USH2A: variants seen among roughly 807,000 people sequenced by gnomAD.
The protein encoded by USH2A is usherin, also known as Usher syndrome 2A (autosomal recessive, mild).
Under a neutral mutation model 538.9 loss-of-function variants are expected in USH2A, and 443 were observed. That is an observed-to-expected ratio of 0.82 (90% CI 0.76 to 0.89). The LOEUF (loss-of-function observed/expected upper bound fraction) is 0.89. Ranked by LOEUF, USH2A falls within the 40% of genes least tolerant of loss-of-function variation. USH2A has a pLI of 0.00. For missense variants in USH2A, 6,633 were observed against 6,324.8 expected (o/e 1.05, Z -1.65); for synonymous variants, 2,413 against 2,273.5 (o/e 1.06, Z -1.75).
intron 21 of USH2A, among the ~76,000 whole-genome samples, chr1:216,157,858 A>G (rs2033980046): frequency 6.6e-6 from 1 of 152,184 alleles, no homozygotes; most frequent in African/African-American, 2.4e-5. Context: ...CACGCTCACT[A>G]CTTGCGTAAT....
At chr1:215,629,481 T>C (rs912025106) in intron 70 of USH2A, among the ~76,000 whole-genome samples, 8 of 152,144 alleles carry the variant, frequency 5.3e-5, no homozygotes, top group African/African-American at 1.9e-4. Context: ...ACAATATTAT[T>C]TCATGGTGGT....
At chr1:216,241,083 C>T (rs910203776) in intron 13 of USH2A, among the ~76,000 whole-genome samples, 2 of 152,092 alleles carry the variant, frequency 1.3e-5, no homozygotes, top group Admixed American at 6.5e-5. Context: ...TATGGCATAG[C>T]TGTACAGTAA....
At chr1:215,671,476 C>T (rs549145683) in intron 63 of USH2A, among the ~76,000 whole-genome samples, 183 bp from the exon 64 acceptor site, 17 of 151,916 alleles carry the variant, frequency 1.1e-4, no homozygotes, top group Non-Finnish European at 1.9e-4. Context: ...TGCAGTGAGC[C>T]GAGATTGCGC....
intron 61 of USH2A, among the ~76,000 whole-genome samples, chr1:215,710,560 T>G (rs1659312230): frequency 6.6e-6 from 1 of 151,910 alleles, no homozygotes; most frequent in South Asian, 2.1e-4. Context: ...TAGAGGGCGC[T>G]CTCCTCATGG....
Position 215,838,063 on chromosome 1 carries a change from C to T in USH2A, c.9299G>A (p.Gly3100Glu), listed in dbSNP as rs533188575. Reference protein sequence around the residue: ...CTIYACVKSNGTQITTVEDTP... With the variant: ...CTIYACVKSNETQITTVEDTP... ...GTCTTCCACAGTGGTAATTTGGGTTCCATTGCTTTTCACGCAGGCATATAT... is the reference window on the plus strand; with the variant it reads ...GTCTTCCACAGTGGTAATTTGGGTTTCATTGCTTTTCACGCAGGCATATAT... The change falls in exon 47 of 72, where the codon GGA becomes GAA. Residue 3100 changes from glycine to glutamate, a missense_variant. By Grantham distance (98) the Gly-to-Glu change is moderately conservative. Transcript: ENST00000307340. 4 of 1,613,936 alleles carry T rather than the reference C, an allele frequency of 2.5e-6. No individual in the cohort carries two copies. Among genetic ancestry groups the T allele is most frequent in the Admixed American group, 1.7e-5 (1 of 59,966 alleles).
chr1:216,282,515 T>C (rs1334577170), intron 11 of USH2A, among the ~76,000 whole-genome samples: 1 of 152,240 alleles, frequency 6.6e-6, no homozygotes, highest in Non-Finnish European at 1.5e-5. Context: ...CTTGGCACTG[T>C]TGTCAAAAAT....
chr1:216,358,252 C>G (rs1391441553), intron 4 of USH2A, among the ~76,000 whole-genome samples: 3 of 152,126 alleles, frequency 2.0e-5, no homozygotes, highest in Non-Finnish European at 2.9e-5. Flanking sequence ...CCAAGTCAAA[C>G]CTAATCAGAG....
Position 216,184,952 on chromosome 1 carries a change from G to A in USH2A, c.4396+5271C>T, listed in dbSNP as rs916485991. 3.9e-5 allele frequency among the ~76,000 whole-genome samples: 6 copies of A among 151,918 alleles called. No homozygotes were observed. In the East Asian group the frequency reaches 1.2e-3, roughly 29 times the overall value. On this transcript the variant is annotated intron_variant, in intron 20 of 71. Coordinates refer to ENST00000307340, the MANE Select transcript of USH2A (RefSeq NM_206933.4). The stretch of plus-strand genomic sequence containing the variant: ...ATGGAGGTCAATTTATGACAGGCAA[G>A]GGAAATATCACATTGTCCCTTCAGG...
At chr1:216,421,178 A>T (rs1558081596) in intron 2 of USH2A, among the ~76,000 whole-genome samples, 1 of 152,180 alleles carries the variant, frequency 6.6e-6, no homozygotes, top group Admixed American at 6.6e-5. Context: ...AATAAGACCC[A>T]GACTCATTGA....
Position 216,189,735 on chromosome 1 carries a change from T to G in USH2A, c.4396+488A>C, listed in dbSNP as rs2034676596. Among the ~76,000 whole-genome samples, 4 of 151,996 alleles carry G rather than the reference T, an allele frequency of 2.6e-5. No individual in the cohort carries two copies. The South Asian group carries it at 8.3e-4, about 32-fold the overall frequency. ...AGGCCACACAGTAATTTCTAGATGT[T>G]CCCATGGATCAGGAGTGAGTAGAGC... On this transcript the variant is annotated intron_variant, in intron 20 of 71. Coordinates refer to ENST00000307340, the MANE Select transcript of USH2A (RefSeq NM_206933.4).
chr1:215,947,088 C>T (rs1666778822), intron 37 of USH2A, among the ~76,000 whole-genome samples: 1 of 150,552 alleles, frequency 6.6e-6, no homozygotes, highest in African/African-American at 2.4e-5. Flanking sequence ...GTCGCCCAGA[C>T]TGGAGTGCAG....
intron 30 of USH2A, among the ~76,000 whole-genome samples, chr1:216,062,569 C>T (rs1243915400): frequency 6.6e-6 from 1 of 152,132 alleles, no homozygotes; most frequent in African/African-American, 2.4e-5. Flanking sequence ...TTTTACATAA[C>T]TCATTTTAAT....
intron 4 of USH2A, among the ~76,000 whole-genome samples, chr1:216,353,158 G>C (rs1187719985): frequency 6.6e-6 from 1 of 151,994 alleles, no homozygotes; most frequent in Non-Finnish European, 1.5e-5. Context: ...AGTAAGGAGG[G>C]AACAGACCAC....
chr1:216,377,247 T>C (rs2038839032), intron 3 of USH2A, among the ~76,000 whole-genome samples: 1 of 152,184 alleles, frequency 6.6e-6, no homozygotes, highest in Admixed American at 6.5e-5. Context: ...ATTGTGGCCA[T>C]TGTTTCAAGG....
chr1:215,866,203 C>T (rs1664462816), intron 44 of USH2A, among the ~76,000 whole-genome samples: 1 of 152,140 alleles, frequency 6.6e-6, no homozygotes, highest in Admixed American at 6.5e-5. Flanking sequence ...TACATATTCT[C>T]ATGGTAGATT....
chr1:215,957,854 C>T (rs989421162), intron 37 of USH2A, among the ~76,000 whole-genome samples: 2 of 152,130 alleles, frequency 1.3e-5, no homozygotes, highest in Middle Eastern at 3.2e-3. Context: ...CAAAGTTCTC[C>T]GACGGGATTC....
chr1:215,912,960 C>T (rs1042613400), intron 38 of USH2A, among the ~76,000 whole-genome samples: 2 of 152,130 alleles, frequency 1.3e-5, no homozygotes, highest in African/African-American at 2.4e-5. Context: ...TTGCATTCCT[C>T]CTACAGTTCT....
chr1:216,269,830 C>T lies in USH2A; in HGVS notation c.1972-18732G>A, dbSNP rs540243849. Reference sequence around the variant, plus strand: ...AGCAATGGTGGATATGCACAGTCAACCGGGTGACAATTGTCACAATGAGTT... The same window carrying T: ...AGCAATGGTGGATATGCACAGTCAATCGGGTGACAATTGTCACAATGAGTT... On this transcript the variant is annotated intron_variant, in intron 11 of 71. Coordinates refer to ENST00000307340, the MANE Select transcript of USH2A (RefSeq NM_206933.4). Among the ~76,000 whole-genome samples, 15 of 152,198 alleles carry T rather than the reference C, an allele frequency of 9.9e-5. 1 individual carries two copies. The South Asian group carries it at 2.9e-3, about 29-fold the overall frequency.
At chr1:215,798,807 G>T in intron 50 of USH2A, 100 bp downstream of exon 50, 1 of 1,340,620 alleles carries the variant, frequency 7.5e-7, no homozygotes, top group South Asian at 1.2e-5. Context: ...TAACCAATGT[G>T]AGCTTTAATT....
Sources: gnomAD v4.1 joint callset for allele counts (sites outside exome capture counted in the v4.1 genomes callset) on GRCh38, gnomAD v4.1.1 for gene constraint, MANE v1.5 for transcripts, NCBI Gene and HGNC (gene_info 2026-07-23, HGNC 2026-07-21) for gene names.